Variants in LARGE1 observed in about 807,000 individuals in gnomAD.
LARGE1 encodes the protein xylosyl- and glucuronyltransferase LARGE1.
A neutral mutation model predicts 87.6 loss-of-function variants in LARGE1; 43 were observed. The observed-to-expected ratio is 0.49, with a 90% CI of 0.38 to 0.63. The LOEUF (loss-of-function observed/expected upper bound fraction) is 0.63. Ranked by LOEUF, LARGE1 falls within the 30% of genes least tolerant of loss-of-function variation. The probability of loss-of-function intolerance (pLI) is 0.00; values close to 1 mark genes in which losing one functional copy is unlikely to be tolerated. For missense variants in LARGE1, 802 were observed against 1,000.2 expected (o/e 0.80, Z 2.67); for synonymous variants, 434 against 394.6 (o/e 1.10, Z -1.18).
At chr22:33,406,841 G>A (rs1444106757) in intron 7 of LARGE1, among the ~76,000 whole-genome samples, 3 of 152,200 alleles carry the variant, frequency 2.0e-5, no homozygotes, top group Admixed American at 1.3e-4. Flanking sequence ...CACCCAGGCT[G>A]GAGTGCAATG....
chr22:33,198,654 C>CACACAT (rs1416728970), intron 11 of LARGE1, among the ~76,000 whole-genome samples: 151 of 146,268 alleles, frequency 1.0e-3, no homozygotes, highest in African/African-American at 3.9e-3. Context: ...CACACACACA[C>CACACAT]ACACACACAC....
chr22:33,124,156 G>A, the LARGE1 span, among the ~76,000 whole-genome samples: 3 of 151,920 alleles, frequency 2.0e-5, no homozygotes, highest in Admixed American at 2.0e-4. Flanking sequence ...GCATGGTGGT[G>A]GGTGCCTGTA....
At chr22:33,211,098 T>C (rs547732320) in intron 11 of LARGE1, among the ~76,000 whole-genome samples, 8 of 152,334 alleles carry the variant, frequency 5.3e-5, no homozygotes, top group African/African-American at 1.9e-4. Context: ...TCAAACTTTT[T>C]CATTATTATT....
intron 2 of LARGE1, chr22:33,743,972 C>T (rs1436474567): frequency 1.3e-5 from 2 of 152,202 alleles, no homozygotes; most frequent in African/African-American, 2.4e-5. Context: ...TCCACTCAGC[C>T]ACTCTCAGTT....
At chr22:33,784,524 G>C (rs1444647912) in intron 1 of LARGE1, among the ~76,000 whole-genome samples, 1 of 152,138 alleles carries the variant, frequency 6.6e-6, no homozygotes, top group African/African-American at 2.4e-5. Context: ...AACAAAAATG[G>C]AAGGTAAGGA....
At chr22:33,660,288 G>A (rs1257418074) in intron 2 of LARGE1, among the ~76,000 whole-genome samples, 1 of 152,086 alleles carries the variant, frequency 6.6e-6, no homozygotes, top group Non-Finnish European at 1.5e-5. Context: ...GGCCAAAAAA[G>A]ATAATGTATT....
intron 5 of LARGE1, among the ~76,000 whole-genome samples, chr22:33,579,821 T>C (rs1009560727): frequency 2.0e-5 from 3 of 152,170 alleles, no homozygotes; most frequent in Non-Finnish European, 4.4e-5. Context: ...ACACAACAAT[T>C]GGGAAGTGAG....
intron 11 of LARGE1, among the ~76,000 whole-genome samples, chr22:33,204,825 A>T (rs1192245370): frequency 6.6e-6 from 1 of 152,068 alleles, no homozygotes; most frequent in East Asian, 1.9e-4. Flanking sequence ...CTATTGTAGG[A>T]ATTACTATAG....
chr22:33,190,389 C>T (rs1007052887), intron 11 of LARGE1, among the ~76,000 whole-genome samples: 14 of 152,182 alleles, frequency 9.2e-5, no homozygotes, highest in African/African-American at 3.1e-4. Flanking sequence ...TGCAATACAG[C>T]TCCTTCTGCA....
Position 33,304,383 on chromosome 22 carries a change from G to C in LARGE1, c.1576C>G (p.Arg526Gly), listed in dbSNP as rs775742985. The C allele has an allele frequency of 2.5e-6, 4 of 1,614,254 alleles. No individual in the cohort carries two copies. The highest frequency in any genetic ancestry group is 3.4e-6 in the Non-Finnish European group (4 of 1,180,048). Residue 526 changes from arginine (R) to glycine (G), a missense_variant, in exon 12 of 15, where the codon CGC becomes GGC. Physicochemically the swap from Arg to Gly is moderately radical, Grantham distance 125. Transcript: ENST00000397394. Reference sequence around the variant, plus strand: ...ACGATGTGGTAGCCCACGTTGTGGCGGCTCATAAGCACCTCAGAGCCCTGT... The same window carrying C: ...ACGATGTGGTAGCCCACGTTGTGGCCGCTCATAAGCACCTCAGAGCCCTGT... Reference protein sequence around the residue: ...YAQGSEVLMSRHNVGYHIVYK... With the variant: ...YAQGSEVLMSGHNVGYHIVYK...
intron 2 of LARGE1, among the ~76,000 whole-genome samples, chr22:33,700,804 G>A (rs1198596724): frequency 6.6e-6 from 1 of 152,178 alleles, no homozygotes; most frequent in Non-Finnish European, 1.5e-5. Context: ...CAATTATTTT[G>A]TTCTGGGAAG....
intron 6 of LARGE1, among the ~76,000 whole-genome samples, chr22:33,544,691 AACC>A (rs150079022): frequency 0.15 from 17,746 of 119,594 alleles, 2,278 homozygotes; most frequent in African/African-American, 0.39. Context: ...TCAAAACAAC[AACC>A]ACAACAACAA....
intron 11 of LARGE1, chr22:33,221,755 T>C (rs1336020055): frequency 6.6e-6 from 1 of 152,236 alleles, no homozygotes; most frequent in Non-Finnish European, 1.5e-5. Flanking sequence ...GTGGACTGCC[T>C]CTTTTCTGGG....
At chr22:33,711,869 T>G (rs80096268) in intron 2 of LARGE1, among the ~76,000 whole-genome samples, 1 of 152,130 alleles carries the variant, frequency 6.6e-6, no homozygotes, top group Non-Finnish European at 1.5e-5. Flanking sequence ...CTATGTTGCG[T>G]AGGTCACTCT....
rs180844209 is a variant in LARGE1, at chr22:33,860,444, G to A, written c.-83+59551C>T. 1.1e-4 allele frequency among the ~76,000 whole-genome samples: 16 copies of A among 152,220 alleles called. No homozygotes were observed. In the East Asian group the frequency reaches 2.9e-3, roughly 28 times the overall value. Reference sequence around the variant, plus strand: ...TGTTTCTCCCACTGTCTTTGTTTTCGGAATAAGAAATAAAGTTGTGGCCAG... The same window carrying A: ...TGTTTCTCCCACTGTCTTTGTTTTCAGAATAAGAAATAAAGTTGTGGCCAG... On this transcript the variant is annotated intron_variant, in intron 1 of 14. Coordinates refer to ENST00000397394, the MANE Select transcript of LARGE1 (RefSeq NM_133642.5).
chr22:33,916,092 C>T (rs531009108), intron 1 of LARGE1, among the ~76,000 whole-genome samples: 3 of 151,996 alleles, frequency 2.0e-5, no homozygotes, highest in Non-Finnish European at 2.9e-5. Context: ...ACCAGCCTGG[C>T]GAAGATGGTG....
chr22:33,416,094 C>T (rs1036632615), intron 7 of LARGE1, among the ~76,000 whole-genome samples: 4 of 152,186 alleles, frequency 2.6e-5, no homozygotes, highest in Non-Finnish European at 5.9e-5. Context: ...TACACTGATG[C>T]TCCCATCTTC....
At chr22:33,105,021 G>T in the LARGE1 span, among the ~76,000 whole-genome samples, 1 of 132,312 alleles carries the variant, frequency 7.6e-6, no homozygotes, top group South Asian at 2.4e-4. Context: ...TTTTTTTGAT[G>T]AAGTCTTGCT....
chr22:33,101,348 G>A, the LARGE1 span, among the ~76,000 whole-genome samples: 1 of 152,140 alleles, frequency 6.6e-6, no homozygotes, highest in Non-Finnish European at 1.5e-5. Flanking sequence ...TAACCTCTCT[G>A]TGTCTCAGTT....
Sources: gnomAD v4.1 joint callset for allele counts (sites outside exome capture counted in the v4.1 genomes callset) on GRCh38, gnomAD v4.1.1 for gene constraint, MANE v1.5 for transcripts, NCBI Gene and HGNC (gene_info 2026-07-23, HGNC 2026-07-21) for gene names.